Variants in LTBP1 observed in about 807,000 individuals in gnomAD.
The protein encoded by LTBP1 is latent transforming growth factor beta binding protein 1.
A neutral mutation model predicts 207.6 loss-of-function variants in LTBP1; 129 were observed. That is an observed-to-expected ratio of 0.62 (90% CI 0.54 to 0.72). The LOEUF (loss-of-function observed/expected upper bound fraction) is 0.72. Ranked by LOEUF, LTBP1 falls within the 30% of genes least tolerant of loss-of-function variation. LTBP1 has a pLI of 0.00. For missense variants in LTBP1, 2,281 were observed against 2,217.2 expected (o/e 1.03, Z -0.58); for synonymous variants, 963 against 833.7 (o/e 1.16, Z -2.67).
At chr2:33,031,447 C>T (rs540846415) in intron 3 of LTBP1, among the ~76,000 whole-genome samples, 62 of 152,338 alleles carry the variant, frequency 4.1e-4, no homozygotes, top group African/African-American at 1.4e-3. Flanking sequence ...CACATACCAA[C>T]TACTGTTCTA....
chr2:33,042,399 G>C (rs1034915630), intron 3 of LTBP1, among the ~76,000 whole-genome samples: 14 of 152,160 alleles, frequency 9.2e-5, no homozygotes, highest in African/African-American at 3.1e-4. Flanking sequence ...TTTTTTCTGT[G>C]CTTTTCCTCA....
chr2:33,029,264 G>A (rs1245867446), intron 3 of LTBP1, among the ~76,000 whole-genome samples: 1 of 152,172 alleles, frequency 6.6e-6, no homozygotes, highest in Non-Finnish European at 1.5e-5. Flanking sequence ...ATCACCTGAG[G>A]TCAGGAGTGC....
intron 7 of LTBP1, among the ~76,000 whole-genome samples, chr2:33,200,906 A>G (rs1452195269): frequency 4.6e-5 from 7 of 152,330 alleles, no homozygotes; most frequent in Non-Finnish European, 4.4e-5. Flanking sequence ...TCAGAGAAAT[A>G]CAAATCAAAA....
Position 33,188,795 on chromosome 2 carries a change from C to T in LTBP1, c.1645C>T (p.Pro549Ser). ...CCAGCAGGTCATTCCTCACGTCTAC[C>T]CCGTGGCTGCTAAGACACAGCTTGG... ...SHQQVIPHVYPVAAKTQLGRC... is the reference protein window; with the variant it reads ...SHQQVIPHVYSVAAKTQLGRC... The change falls in exon 7 of 34, where the codon CCC becomes TCC. Residue 549 changes from proline to serine, a missense_variant. This residue lies in a region of LTBP1 where 1,671 missense variants were observed against 1,634.8 expected (regional missense o/e 1.02). Transcript: ENST00000404816. The T allele has an allele frequency of 6.2e-7, 1 of 1,614,180 alleles. No individual in the cohort carries two copies. Among genetic ancestry groups the T allele is most frequent in the Non-Finnish European group, 8.5e-7 (1 of 1,180,036 alleles).
chr2:33,383,816 C>T lies in LTBP1; in HGVS notation c.4712-5368C>T, dbSNP rs116357365. On this transcript the variant is annotated intron_variant, in intron 31 of 33. Coordinates refer to ENST00000404816, the MANE Select transcript of LTBP1 (RefSeq NM_206943.4). ...CCTCCCAAAGTGCTGGGATTACAGG[C>T]GTGAGCCACTGCGCCCAGCCCTGAC... Among the ~76,000 whole-genome samples the T allele has an allele frequency of 7.7e-3, 1,172 of 152,302 alleles. 10 individuals carry two copies. The highest frequency in any genetic ancestry group is 0.013 in the Admixed American group (195 of 15,304).
chr2:32,964,345 T>A (rs1333358629), intron 2 of LTBP1, among the ~76,000 whole-genome samples: 5 of 152,214 alleles, frequency 3.3e-5, no homozygotes, highest in African/African-American at 7.2e-5. Context: ...GGGACTGTTT[T>A]CCCCATTATG....
intron 2 of LTBP1, among the ~76,000 whole-genome samples, chr2:33,010,153 G>T (rs937537141): frequency 8.5e-5 from 13 of 152,330 alleles, no homozygotes; most frequent in Middle Eastern, 3.4e-3. Context: ...GGCCAGCATG[G>T]CTGATGGTCA....
At chr2:33,228,786 G>A (rs978326535) in intron 9 of LTBP1, among the ~76,000 whole-genome samples, 7 of 138,154 alleles carry the variant, frequency 5.1e-5, no homozygotes, top group South Asian at 2.4e-4. Context: ...TGCAATCTCC[G>A]CCTCCTGGGT....
chr2:33,396,200 T>G (rs62150384), intron 32 of LTBP1, among the ~76,000 whole-genome samples: 19,847 of 151,634 alleles, frequency 0.13, 1,508 homozygotes, highest in Non-Finnish European at 0.16. Flanking sequence ...GTGTGTGTGT[T>G]TTGTTTTGTT....
intron 3 of LTBP1, among the ~76,000 whole-genome samples, chr2:33,101,747 T>G (rs2079754393): frequency 6.6e-6 from 1 of 152,188 alleles, no homozygotes; most frequent in Non-Finnish European, 1.5e-5. Flanking sequence ...TACAATTTCT[T>G]TTTAATTTGG....
intron 2 of LTBP1, among the ~76,000 whole-genome samples, chr2:32,959,616 TA>T (rs1479188128): frequency 0.028 from 1,359 of 48,556 alleles, 51 homozygotes; most frequent in Non-Finnish European, 0.05. Flanking sequence ...TATATATATA[TA>T]TATATTTTTT....
intron 2 of LTBP1, among the ~76,000 whole-genome samples, chr2:33,004,809 A>ATATATATATATATATATATATG (rs1298591734): frequency 2.1e-5 from 3 of 145,500 alleles, no homozygotes; most frequent in African/African-American, 7.5e-5. Flanking sequence ...ATATATATAT[A>ATATATATATATATATATATATG]TATATAAACA....
chr2:33,239,900 T>C (rs1558868330), intron 9 of LTBP1, among the ~76,000 whole-genome samples: 1 of 114,486 alleles, frequency 8.7e-6, no homozygotes, highest in South Asian at 2.7e-4. Context: ...TAAGACTCCA[T>C]CTTAAATAAA....
chr2:32,967,770 T>A (rs1287241817), intron 2 of LTBP1, among the ~76,000 whole-genome samples: 2 of 152,226 alleles, frequency 1.3e-5, no homozygotes, highest in Non-Finnish European at 2.9e-5. Flanking sequence ...TACGTAATCA[T>A]GAGTAAAATG....
At chr2:33,384,980 C>A (rs999663790) in intron 31 of LTBP1, among the ~76,000 whole-genome samples, 2 of 152,126 alleles carry the variant, frequency 1.3e-5, no homozygotes, top group African/African-American at 4.8e-5. Flanking sequence ...ATGGTGAAAT[C>A]CACTTCTATA....
intron 4 of LTBP1, among the ~76,000 whole-genome samples, chr2:33,129,753 C>T (rs1055819845): frequency 6.6e-6 from 1 of 152,026 alleles, no homozygotes; most frequent in Non-Finnish European, 1.5e-5. Context: ...TATGCTTTTT[C>T]TTGATCTGAG....
At chr2:33,044,598 A>T (rs1278041506) in intron 3 of LTBP1, among the ~76,000 whole-genome samples, 3 of 152,158 alleles carry the variant, frequency 2.0e-5, no homozygotes, top group Admixed American at 2.0e-4. Flanking sequence ...TTTATAGTAG[A>T]ATGATTTATA....
chr2:33,179,278 C>T lies in LTBP1; in HGVS notation c.1202-7578C>T, dbSNP rs902741365. Among the ~76,000 whole-genome samples the T allele has an allele frequency of 3.3e-5, 5 of 152,002 alleles. No homozygotes were observed. In the South Asian group the frequency reaches 1.0e-3, roughly 32 times the overall value. On this transcript the variant is annotated intron_variant, in intron 5 of 33. Coordinates refer to ENST00000404816, the MANE Select transcript of LTBP1 (RefSeq NM_206943.4). Reference sequence around the variant, plus strand: ...CATGACAGTTCTTCTTCCAGTGTAGCTCAGGGAAGCCAAAAGATTGGAAAC... The same window carrying T: ...CATGACAGTTCTTCTTCCAGTGTAGTTCAGGGAAGCCAAAAGATTGGAAAC...
At chr2:33,197,030 A>G (rs1227750577) in intron 7 of LTBP1, among the ~76,000 whole-genome samples, 1 of 152,214 alleles carries the variant, frequency 6.6e-6, no homozygotes, top group Non-Finnish European at 1.5e-5. Flanking sequence ...AGGGAAAAAA[A>G]CATTTCTATT....
Sources: gnomAD v4.1 joint callset for allele counts (sites outside exome capture counted in the v4.1 genomes callset) on GRCh38, gnomAD v4.1.1 for gene constraint, gnomAD v4.1.1 regional missense constraint, MANE v1.5 for transcripts, NCBI Gene and HGNC (gene_info 2026-07-23, HGNC 2026-07-21) for gene names.